Variants in GRM8 observed in about 807,000 individuals in gnomAD.
GRM8 encodes metabotropic glutamate receptor 8.
A neutral mutation model predicts 87.2 loss-of-function variants in GRM8; 47 were observed. The observed-to-expected ratio is 0.54, with a 90% CI of 0.43 to 0.69. The LOEUF is 0.69. Ranked by LOEUF, GRM8 falls within the 30% of genes least tolerant of loss-of-function variation. GRM8 has a pLI of 0.00. For synonymous variants in GRM8, 396 were observed against 404.5 expected, an observed-to-expected ratio of 0.98 and a Z score of 0.25; for missense variants, 1,019 against 1,139.2, an observed-to-expected ratio of 0.89 and a Z score of 1.52.
chr7:126,578,610 G>A (rs527739142), intron 8 of GRM8, among the ~76,000 whole-genome samples: 7 of 152,270 alleles, frequency 4.6e-5, no homozygotes, highest in Non-Finnish European at 1.0e-4. Flanking sequence ...GGGAGCAGCA[G>A]CAGATGGCTG....
intron 3 of GRM8, among the ~76,000 whole-genome samples, chr7:127,003,334 G>C (rs1011755355): frequency 1.3e-5 from 2 of 151,712 alleles, no homozygotes; most frequent in Admixed American, 1.3e-4. Flanking sequence ...TCCACACTTA[G>C]CTCCTAGAGA....
At chr7:126,855,295 G>T (rs1259055183) in intron 6 of GRM8, among the ~76,000 whole-genome samples, 1 of 151,996 alleles carries the variant, frequency 6.6e-6, no homozygotes, top group Non-Finnish European at 1.5e-5. Flanking sequence ...CATCTACATT[G>T]TGCTAGCTAA....
At chr7:127,197,254 T>C (rs887017600) in intron 2 of GRM8, among the ~76,000 whole-genome samples, 2 of 152,240 alleles carry the variant, frequency 1.3e-5, no homozygotes, top group African/African-American at 4.8e-5. Flanking sequence ...TTTTAAATGC[T>C]CATGTAAAAA....
intron 8 of GRM8, among the ~76,000 whole-genome samples, chr7:126,557,083 C>T (rs545582026): frequency 3.6e-4 from 55 of 152,244 alleles, no homozygotes; most frequent in Non-Finnish European, 7.1e-4. Flanking sequence ...GAAGCTGCTC[C>T]CCTAAAGAAG....
chr7:126,826,082 T>C (rs1287674991), intron 6 of GRM8, among the ~76,000 whole-genome samples: 1 of 152,116 alleles, frequency 6.6e-6, no homozygotes, highest in Non-Finnish European at 1.5e-5. Context: ...AGTGTTCCAT[T>C]GTGTATATGT....
chr7:127,235,557 A>AAAGGGAAG (rs1651268872), intron 2 of GRM8, among the ~76,000 whole-genome samples: 1 of 152,366 alleles, frequency 6.6e-6, no homozygotes, highest in South Asian at 2.1e-4. Flanking sequence ...TTTGAAGAGC[A>AAAGGGAAG]AAGGGAAGTA....
intron 3 of GRM8, among the ~76,000 whole-genome samples, chr7:126,957,847 C>G (rs1204574): frequency 0.77 from 116,441 of 152,168 alleles, 44,892 homozygotes; most frequent in East Asian, 0.97. Flanking sequence ...GCCAGGGATG[C>G]CCTGAAGCCC....
chr7:126,713,866 C>T (rs888970499), intron 7 of GRM8, among the ~76,000 whole-genome samples: 1 of 151,870 alleles, frequency 6.6e-6, no homozygotes, highest in Non-Finnish European at 1.5e-5. Context: ...ACATTGTACA[C>T]ATTGTACACC....
intron 8 of GRM8, among the ~76,000 whole-genome samples, chr7:126,574,517 G>T: frequency 6.6e-6 from 1 of 152,174 alleles, no homozygotes; most frequent in East Asian, 1.9e-4. Flanking sequence ...TCTCTAAGGA[G>T]TTAGGGATTT....
At chr7:126,910,965 A>C (rs1404688258) in intron 3 of GRM8, among the ~76,000 whole-genome samples, 1 of 152,220 alleles carries the variant, frequency 6.6e-6, no homozygotes, top group African/African-American at 2.4e-5. Context: ...TGAGGTTCAT[A>C]ATAACTATCT....
chr7:126,897,462 G>A (rs111865367), intron 6 of GRM8, among the ~76,000 whole-genome samples: 16,800 of 151,962 alleles, frequency 0.11, 1,114 homozygotes, highest in East Asian at 0.22. Context: ...ATAAGTGTGT[G>A]AAAAATGTGT....
chr7:126,926,765 T>A (rs1805172320), intron 3 of GRM8, among the ~76,000 whole-genome samples: 1 of 152,206 alleles, frequency 6.6e-6, no homozygotes, highest in Non-Finnish European at 1.5e-5. Context: ...CATCTGGACA[T>A]GTCCTGCAAG....
intron 6 of GRM8, among the ~76,000 whole-genome samples, chr7:126,833,430 G>T (rs368492333): frequency 1.3e-5 from 2 of 152,316 alleles, no homozygotes; most frequent in South Asian, 4.1e-4. Flanking sequence ...TGTTCAGTCT[G>T]CTATACCAAA....
intron 8 of GRM8, among the ~76,000 whole-genome samples, chr7:126,553,565 G>A (rs1792819331): frequency 6.6e-6 from 1 of 152,012 alleles, no homozygotes; most frequent in African/African-American, 2.4e-5. Flanking sequence ...CTCTGCTTGG[G>A]GTGGATTATA....
chr7:126,739,527 G>A (rs755583846), intron 7 of GRM8, among the ~76,000 whole-genome samples: 12 of 151,946 alleles, frequency 7.9e-5, no homozygotes, highest in South Asian at 2.1e-4. Context: ...ACGGTGTTAC[G>A]TTTAGTTACC....
intron 9 of GRM8, 45 bp downstream of exon 9, chr7:126,532,907 G>A (rs375218700): frequency 2.6e-6 from 3 of 1,141,582 alleles, no homozygotes; most frequent in South Asian, 1.4e-5. Context: ...AAAAGAAGAT[G>A]TTAAATCCAG....
chr7:126,752,113 A>C (rs1277374300), intron 7 of GRM8, among the ~76,000 whole-genome samples: 1 of 152,166 alleles, frequency 6.6e-6, no homozygotes, highest in Non-Finnish European at 1.5e-5. Flanking sequence ...TTTACTTTCC[A>C]TTAAAAGCTT....
intron 2 of GRM8, among the ~76,000 whole-genome samples, chr7:127,146,200 GAT>G (rs988880607): frequency 2.2e-4 from 33 of 152,144 alleles, no homozygotes; most frequent in African/African-American, 7.7e-4. Flanking sequence ...GTGTAATATA[GAT>G]AGGTCTCATA....
intron 6 of GRM8, among the ~76,000 whole-genome samples, chr7:126,884,082 A>G (rs1800262319): frequency 6.6e-6 from 1 of 152,130 alleles, no homozygotes; most frequent in Non-Finnish European, 1.5e-5. Context: ...TTTTTCTATT[A>G]GTTCCCTAGG....
Sources: allele counts gnomAD v4.1 joint callset (sites outside exome capture counted in the v4.1 genomes callset), GRCh38; gene constraint gnomAD v4.1.1; transcripts MANE v1.5; gene names NCBI Gene and HGNC (gene_info 2026-07-23, HGNC 2026-07-21).